ZNF532: variants seen among roughly 807,000 people sequenced by gnomAD.
ZNF532 encodes zinc finger protein 532.
Under a neutral mutation model 89.3 loss-of-function variants are expected in ZNF532, and 22 were observed. The observed-to-expected ratio is 0.25, with a 90% CI of 0.18 to 0.35. ZNF532 has a LOEUF of 0.35. Ranked by LOEUF, ZNF532 falls within the 10% of genes least tolerant of loss-of-function variation. The pLI, the probability that ZNF532 is intolerant of heterozygous loss-of-function variation, is 1.00. For missense variants in ZNF532, 1,132 were observed against 1,643.4 expected (o/e 0.69, Z 5.38); for synonymous variants, 606 against 649.6 (o/e 0.93, Z 1.02).
chr18:58,937,370 T>A (rs1465246149), intron 4 of ZNF532, among the ~76,000 whole-genome samples: 1 of 152,232 alleles, frequency 6.6e-6, no homozygotes, highest in Non-Finnish European at 1.5e-5. Flanking sequence ...TATGACTTTT[T>A]AAAATACCCT....
intron 3 of ZNF532, 151 bp downstream of exon 3, chr18:58,920,784 GT>G (rs2060999180): frequency 5.3e-6 from 3 of 564,976 alleles, no homozygotes; most frequent in Non-Finnish European, 8.6e-6. Context: ...GTGTGTGTGT[GT>G]GTGTGTTTGG....
At chr18:58,969,241 A>G (rs1382883597) in intron 7 of ZNF532, among the ~76,000 whole-genome samples, 1 of 152,188 alleles carries the variant, frequency 6.6e-6, no homozygotes, top group African/African-American at 2.4e-5. Flanking sequence ...ACTGCTTGGC[A>G]GGAGGAGAGC....
chr18:58,983,856 T>C, intron 9 of ZNF532, 116 bp from the exon 10 acceptor site: 1 of 1,341,570 alleles, frequency 7.5e-7, no homozygotes. Context: ...AGCCCCTAAA[T>C]CCCAAAGCGT....
chr18:58,939,492 C>A lies in ZNF532; in HGVS notation c.2576C>A (p.Ser859Tyr), dbSNP rs1426029699. The change falls in exon 5 of 10, where the codon TCT becomes TAT. Residue 859 changes from serine (S) to tyrosine (Y), a missense_variant. By Grantham distance (144) the Ser-to-Tyr change is moderately radical. Coordinates refer to ENST00000591808, the MANE Select transcript of ZNF532 (RefSeq NM_001375912.1). ...VVYSDVAALK[S>Y]HIQGSHCEVF... ...TACTCTGATGTGGCTGCTCTGAAGT[C>A]TCACATTCAAGGTTCTCACTGTGAA... 5.6e-6 allele frequency: 9 copies of A among 1,613,892 alleles called. No homozygotes were observed. The highest frequency in any genetic ancestry group is 7.6e-6 in the Non-Finnish European group (9 of 1,180,014).
chr18:58,938,396 T>G (rs1223849898), intron 4 of ZNF532, among the ~76,000 whole-genome samples: 3 of 152,232 alleles, frequency 2.0e-5, no homozygotes, highest in Non-Finnish European at 2.9e-5. Context: ...GAAATGTATC[T>G]TAGATTTAAA....
At chr18:58,923,803 C>T (rs532006996) in intron 3 of ZNF532, among the ~76,000 whole-genome samples, 4 of 152,222 alleles carry the variant, frequency 2.6e-5, no homozygotes, top group Non-Finnish European at 4.4e-5. Flanking sequence ...GACACGGGAG[C>T]CTGAAGTACC....
chr18:58,913,142 T>A (rs2060384950), intron 2 of ZNF532, among the ~76,000 whole-genome samples: 1 of 152,210 alleles, frequency 6.6e-6, no homozygotes, highest in Non-Finnish European at 1.5e-5. Context: ...TTTTTTCTTT[T>A]CTTTGGTGGA....
At chr18:58,921,029 G>T (rs1444250254) in intron 3 of ZNF532, among the ~76,000 whole-genome samples, 2 of 151,888 alleles carry the variant, frequency 1.3e-5, no homozygotes, top group African/African-American at 4.8e-5. Context: ...GTTTGAAGCT[G>T]CAGTGAGCTG....
At chr18:58,899,718 C>T (rs943640528) in intron 2 of ZNF532, among the ~76,000 whole-genome samples, 8 of 152,304 alleles carry the variant, frequency 5.3e-5, no homozygotes, top group Admixed American at 3.3e-4. Flanking sequence ...CTGCCTGCCT[C>T]GGCCTCCCAA....
Position 58,978,367 on chromosome 18 carries a change from C to A in ZNF532, c.3151-688C>A, listed in dbSNP as rs147091978. Among the ~76,000 whole-genome samples, 167 of 152,244 alleles carry A rather than the reference C, an allele frequency of 1.1e-3. 1 individual carries two copies. In the East Asian group the frequency reaches 0.024, roughly 22 times the overall value. ...TAGCCAGAGATTTCATTTAACATGG[C>A]ATACTGAATAAAACAGCATATTCTA... On this transcript the variant is annotated intron_variant, in intron 7 of 9. Coordinates refer to ENST00000591808, the MANE Select transcript of ZNF532 (RefSeq NM_001375912.1).
chr18:58,875,363 G>T (rs947002158), intron 2 of ZNF532, among the ~76,000 whole-genome samples: 1 of 152,100 alleles, frequency 6.6e-6, no homozygotes, highest in Non-Finnish European at 1.5e-5. Context: ...AACTAGATAT[G>T]TGGCTTTTGT....
intron 7 of ZNF532, among the ~76,000 whole-genome samples, chr18:58,965,252 G>T (rs980376275): frequency 5.3e-5 from 8 of 152,248 alleles, no homozygotes; most frequent in Non-Finnish European, 1.0e-4. Flanking sequence ...GGAAGGCGGG[G>T]TGTTAAGGAT....
chr18:58,945,614 G>GTGGC (rs1603265547), intron 5 of ZNF532, among the ~76,000 whole-genome samples: 1 of 152,200 alleles, frequency 6.6e-6, no homozygotes, highest in African/African-American at 2.4e-5. Context: ...AAAATGAGCT[G>GTGGC]TGGCATAGCT....
intron 2 of ZNF532, among the ~76,000 whole-genome samples, chr18:58,886,962 G>A (rs920792606): frequency 1.3e-5 from 2 of 152,330 alleles, no homozygotes; most frequent in East Asian, 1.9e-4. Flanking sequence ...TCATTAGCTT[G>A]TAATCTCAGT....
intron 3 of ZNF532, among the ~76,000 whole-genome samples, chr18:58,931,182 C>G (rs957342902): frequency 1.3e-5 from 2 of 152,070 alleles, no homozygotes; most frequent in Non-Finnish European, 2.9e-5. Flanking sequence ...ACTTAGGTGC[C>G]CTTTATTATG....
At chr18:58,899,546 G>T (rs1007267464) in intron 2 of ZNF532, among the ~76,000 whole-genome samples, 2 of 152,122 alleles carry the variant, frequency 1.3e-5, no homozygotes, top group Non-Finnish European at 2.9e-5. Flanking sequence ...TTGACTCACT[G>T]CAACCTCTGC....
chr18:58,883,962 G>T (rs73439909), intron 2 of ZNF532, among the ~76,000 whole-genome samples: 14,724 of 152,252 alleles, frequency 0.097, 1,514 homozygotes, highest in African/African-American at 0.25. Context: ...CAGCCTCGTG[G>T]ACCTGTGAAA....
chr18:58,981,435 G>A (rs974030100), intron 8 of ZNF532, 35 bp from the exon 9 acceptor site: 3 of 1,597,224 alleles, frequency 1.9e-6, no homozygotes, highest in Non-Finnish European at 2.6e-6. Context: ...TATTTTGTCA[G>A]CAAGTGCGTT....
Position 58,865,388 on chromosome 18 carries a change from A to T in ZNF532, c.-128+3A>T, listed in dbSNP as rs1013867335. 1 of 152,564 alleles carries T rather than the reference A, an allele frequency of 6.6e-6. No homozygotes were observed. The highest frequency in any genetic ancestry group is 2.4e-5 in the African/African-American group (1 of 41,450). The allele number at this position is 152,564 out of a possible 1,614,324, so 9.5% of individuals were successfully genotyped here. Reference sequence around the variant, plus strand: ...CTGACTATTATGAAGGCCAAAAGGTAACAATATCGTTCTAGGAAATGAACA... The same window carrying T: ...CTGACTATTATGAAGGCCAAAAGGTTACAATATCGTTCTAGGAAATGAACA... On this transcript the variant is annotated splice_donor_region_variant and intron_variant, in intron 1 of 9. Transcript: ENST00000591808.
Sources: allele counts gnomAD v4.1 joint callset (sites outside exome capture counted in the v4.1 genomes callset), GRCh38; gene constraint gnomAD v4.1.1; transcripts MANE v1.5; gene names NCBI Gene and HGNC (gene_info 2026-07-23, HGNC 2026-07-21).